The following MTREX variants were observed in gnomAD, a reference collection of about 807,000 sequenced individuals.
The protein encoded by MTREX is Mtr4 exosome RNA helicase, also known as exosome RNA helicase MTR4.
MTREX carries 76 observed loss-of-function variants against 135.4 expected under a neutral mutation model. The ratio of observed to expected loss-of-function variants is 0.56; its 90% CI spans 0.47 to 0.68. The LOEUF is 0.68. MTREX is among the 30% of genes least tolerant of loss of function. The probability of loss-of-function intolerance (pLI) is 0.00; values close to 1 mark genes in which losing one functional copy is unlikely to be tolerated. For missense variants in MTREX, 920 were observed against 1,262.1 expected (o/e 0.73, Z 4.11); for synonymous variants, 404 against 401.6 (o/e 1.01, Z -0.07).
chr5:55,316,224 G>A (rs1159434076), intron 1 of MTREX, among the ~76,000 whole-genome samples: 3 of 152,102 alleles, frequency 2.0e-5, no homozygotes, highest in African/African-American at 4.8e-5. Context: ...AATGTTGGTA[G>A]CATTCCTACA....
At chr5:55,346,922 T>G (rs1579861522) in intron 10 of MTREX, 91 bp from the exon 11 acceptor site, 2 of 1,065,116 alleles carry the variant, frequency 1.9e-6, no homozygotes, top group Non-Finnish European at 2.6e-6. Flanking sequence ...TTCCTATATT[T>G]TCTCTTAAAA....
chr5:55,339,930 C>A, intron 5 of MTREX, 80 bp from the exon 6 acceptor site: 1 of 1,100,720 alleles, frequency 9.1e-7, no homozygotes, highest in Non-Finnish European at 1.2e-6. Context: ...AAAATTTGGA[C>A]ACAATTTAAA....
chr5:55,409,191 A>G (rs888821053), intron 22 of MTREX, among the ~76,000 whole-genome samples: 4 of 152,034 alleles, frequency 2.6e-5, no homozygotes, highest in African/African-American at 9.7e-5. Context: ...GGCTCAAGAG[A>G]TCTACCTGTT....
At position 55,401,800 on chromosome 5, in the gene MTREX, G is replaced by A. The variant is rs1259582026; in HGVS notation, c.2481+1379G>A. On this transcript the variant is annotated intron_variant, in intron 21 of 26. Transcript: ENST00000230640. The stretch of plus-strand genomic sequence containing the variant: ...GCAAATTTAGAAAAAGCTTTTTGAC[G>A]TGAACACAATCCTTTCCACTACCTA... Among the ~76,000 whole-genome samples, 3 of 152,044 alleles carry A rather than the reference G, an allele frequency of 2.0e-5. No homozygotes were observed. In the East Asian group the frequency reaches 5.8e-4, roughly 29 times the overall value.
chr5:55,362,262 G>A (rs1290462305), intron 15 of MTREX, among the ~76,000 whole-genome samples: 2 of 151,720 alleles, frequency 1.3e-5, no homozygotes, highest in African/African-American at 4.8e-5. Flanking sequence ...GAGCAATAGA[G>A]AAACCTTTTC....
At chr5:55,346,979 G>C (rs1365260878) in intron 10 of MTREX, 34 bp from the exon 11 acceptor site, 11 of 1,552,592 alleles carry the variant, frequency 7.1e-6, no homozygotes, top group African/African-American at 1.4e-5. Context: ...TCTATTTTGA[G>C]TTAATTTTGG....
At position 55,362,083 on chromosome 5, in the gene MTREX, AT is replaced by A. The variant is rs35074192; in HGVS notation, c.1659+3407del. Among the ~76,000 whole-genome samples the A allele has an allele frequency of 9.8e-3, 1,088 of 111,150 alleles. 8 individuals are homozygous for A. The highest frequency in any genetic ancestry group is 0.032 in the African/African-American group (840 of 25,876). The allele number at this position is 111,150 out of a possible 152,430, so 72.9% of individuals were successfully genotyped here. ...AGGCATGCACCACCACGTCTGGCTA[AT>A]TTTTTTTTTTTTTTTTTTTTTGTAT... On this transcript the variant is annotated intron_variant, in intron 15 of 26. Transcript: ENST00000230640.
At chr5:55,381,843 G>A (rs951645941) in intron 18 of MTREX, among the ~76,000 whole-genome samples, 1 of 152,138 alleles carries the variant, frequency 6.6e-6, no homozygotes, top group African/African-American at 2.4e-5. Context: ...TGAAAGTGGA[G>A]TATTGAAGTC....
chr5:55,363,748 C>T (rs1750052048), intron 15 of MTREX, among the ~76,000 whole-genome samples: 1 of 152,122 alleles, frequency 6.6e-6, no homozygotes, highest in Non-Finnish European at 1.5e-5. Context: ...TAGATTTTAG[C>T]TCCTATTTGT....
chr5:55,424,895 C>A lies in MTREX; in HGVS notation c.*123C>A. 1 of 692,208 alleles carries A rather than the reference C, an allele frequency of 1.4e-6. No individual in the cohort carries two copies. The highest frequency in any genetic ancestry group is 1.9e-5 in the South Asian group (1 of 51,488). The allele number at this position is 692,208 out of a possible 1,614,324, so 42.9% of individuals were successfully genotyped here. On this transcript the variant is annotated 3_prime_UTR_variant, in exon 27 of 27. Coordinates refer to ENST00000230640, the MANE Select transcript of MTREX (RefSeq NM_015360.5). ...ATTTTAATATGTATTATATTTAAAT[C>A]AAACATCATTCATAGAAAGCATATT...
At chr5:55,346,487 T>A (rs1350255986) in intron 10 of MTREX, among the ~76,000 whole-genome samples, 1 of 152,212 alleles carries the variant, frequency 6.6e-6, no homozygotes, top group African/African-American at 2.4e-5. Context: ...CACATATAAT[T>A]TTTCCACGAT....
At chr5:55,363,052 G>A (rs1750043559) in intron 15 of MTREX, among the ~76,000 whole-genome samples, 1 of 151,910 alleles carries the variant, frequency 6.6e-6, no homozygotes, top group African/African-American at 2.4e-5. Flanking sequence ...CTAGTCAGTG[G>A]TGTGTTCTTT....
At chr5:55,378,139 A>T (rs1016701492) in intron 16 of MTREX, among the ~76,000 whole-genome samples, 175 bp from the exon 17 acceptor site, 11 of 152,190 alleles carry the variant, frequency 7.2e-5, no homozygotes, top group African/African-American at 2.4e-4. Context: ...GCACAAGAGG[A>T]CAGGGTTTGG....
intron 14 of MTREX, among the ~76,000 whole-genome samples, 199 bp from the exon 15 acceptor site, chr5:55,358,374 C>A (rs2305679): frequency 3.9e-5 from 6 of 152,008 alleles, no homozygotes; most frequent in Non-Finnish European, 8.8e-5. Context: ...AGTGTGATGT[C>A]GGTTTGAAAC....
Position 55,410,606 on chromosome 5 carries a change from A to G in MTREX, c.2728A>G (p.Ser910Gly). 1 of 1,606,082 alleles carries G rather than the reference A, an allele frequency of 6.2e-7. No homozygotes were observed. Among genetic ancestry groups the G allele is most frequent in the East Asian group, 2.2e-5 (1 of 44,636 alleles). Residue 910 changes from serine (S) to glycine (G), a missense_variant, in exon 23 of 27, where the codon AGC becomes GGC. By Grantham distance (56) the Ser-to-Gly change is moderately conservative. Transcript: ENST00000230640. ...LSAEQATALL[S>G]CFVFQENSSE... is the part of the protein sequence containing the mutation. ...TGCAGAACAGGCAACAGCATTATTA[A>G]GCTGCTTTGTGTTTCAAGAGAATGT...
intron 21 of MTREX, among the ~76,000 whole-genome samples, chr5:55,404,507 TATAG>T (rs909920704): frequency 2.0e-4 from 31 of 152,278 alleles, no homozygotes; most frequent in African/African-American, 7.5e-4. Context: ...ATGGGGGAAA[TATAG>T]ATAGTCAAGA....
intron 26 of MTREX, 121 bp downstream of exon 26, chr5:55,423,103 G>A (rs1751080681): frequency 1.4e-6 from 1 of 695,688 alleles, no homozygotes; most frequent in South Asian, 1.8e-5. Flanking sequence ...GTCATGGAGA[G>A]CTATCTACTA....
intron 1 of MTREX, among the ~76,000 whole-genome samples, chr5:55,308,890 G>A (rs1422676035): frequency 6.6e-6 from 1 of 152,102 alleles, no homozygotes; most frequent in Admixed American, 6.5e-5. Context: ...TGGCATTGTG[G>A]GGCCAGATAC....
intron 23 of MTREX, among the ~76,000 whole-genome samples, chr5:55,413,274 T>C (rs1579902333): frequency 6.6e-6 from 1 of 150,762 alleles, no homozygotes; most frequent in Non-Finnish European, 1.5e-5. Context: ...GAGGTGGAGG[T>C]TGCAGTGAGC....
Sources: allele counts gnomAD v4.1 joint callset (sites outside exome capture counted in the v4.1 genomes callset), GRCh38; gene constraint gnomAD v4.1.1; transcripts MANE v1.5; gene names NCBI Gene and HGNC (gene_info 2026-07-23, HGNC 2026-07-21).